SGCD: variants seen among roughly 807,000 people sequenced by gnomAD.
The protein encoded by SGCD is delta-sarcoglycan.
A neutral mutation model predicts 36.6 loss-of-function variants in SGCD; 18 were observed. That is an observed-to-expected ratio of 0.49 (90% confidence interval 0.34 to 0.73). SGCD has a LOEUF of 0.73. Among genes scored for constraint, SGCD ranks in the 30% least tolerant of loss-of-function variants. The pLI, the probability that SGCD is intolerant of heterozygous loss-of-function variation, is 0.01. For synonymous variants in SGCD, 133 were observed against 130.6 expected, an observed-to-expected ratio of 1.02 and a Z score of -0.12; for missense variants, 387 against 346.7, an observed-to-expected ratio of 1.12 and a Z score of -0.92.
At chr5:155,840,370 A>G in the SGCD span, among the ~76,000 whole-genome samples, 6 of 147,948 alleles carry the variant, frequency 4.1e-5, no homozygotes, top group Admixed American at 6.7e-5. Context: ...CAGCCTCCCG[A>G]GTAGCTGGGA....
At chr5:155,839,708 T>G in the SGCD span, among the ~76,000 whole-genome samples, 1 of 152,190 alleles carries the variant, frequency 6.6e-6, no homozygotes, top group Non-Finnish European at 1.5e-5. Flanking sequence ...ATGAAGTGAC[T>G]AAGGCTAAAG....
chr5:156,708,115 G>A (rs778101185), intron 7 of SGCD, among the ~76,000 whole-genome samples: 4 of 152,056 alleles, frequency 2.6e-5, no homozygotes, highest in Non-Finnish European at 5.9e-5. Flanking sequence ...GGATAAGAAC[G>A]GACTTTGAAA....
At chr5:156,526,172 G>A (rs751911453) in intron 4 of SGCD, among the ~76,000 whole-genome samples, 17 of 151,888 alleles carry the variant, frequency 1.1e-4, no homozygotes, top group Admixed American at 5.3e-4. Context: ...CTTTTTGTTC[G>A]TCTAAGCACT....
intron 3 of SGCD, among the ~76,000 whole-genome samples, chr5:156,460,878 G>A (rs1379855863): frequency 1.3e-5 from 2 of 152,162 alleles, no homozygotes; most frequent in African/African-American, 4.8e-5. Flanking sequence ...CCTTGAACAG[G>A]TGGCTATGCC....
chr5:156,612,375 G>C (rs1761855670), intron 6 of SGCD, among the ~76,000 whole-genome samples: 1 of 152,250 alleles, frequency 6.6e-6, no homozygotes, highest in South Asian at 2.1e-4. Flanking sequence ...CAGTGACCTA[G>C]GCTACATGAG....
At chr5:155,781,323 C>G in the SGCD span, among the ~76,000 whole-genome samples, 1 of 152,182 alleles carries the variant, frequency 6.6e-6, no homozygotes, top group Admixed American at 6.5e-5. Flanking sequence ...CTCACAAACC[C>G]TTGCACGGAA....
chr5:156,281,846 C>T (rs912237281), intron 3 of SGCD, among the ~76,000 whole-genome samples: 2 of 151,992 alleles, frequency 1.3e-5, no homozygotes, highest in Non-Finnish European at 2.9e-5. Flanking sequence ...GCTTGATTTC[C>T]TCATTACACC....
At chr5:156,289,878 C>T (rs1004961099) in intron 3 of SGCD, among the ~76,000 whole-genome samples, 4 of 151,974 alleles carry the variant, frequency 2.6e-5, no homozygotes, top group African/African-American at 9.7e-5. Flanking sequence ...GTATGAATGT[C>T]TAGTCTCTAG....
At chr5:156,155,559 A>G (rs1006451556) in intron 3 of SGCD, among the ~76,000 whole-genome samples, 10 of 151,068 alleles carry the variant, frequency 6.6e-5, no homozygotes, top group Non-Finnish European at 1.3e-4. Context: ...TGGGAAAGAA[A>G]CACCAACACC....
intron 3 of SGCD, among the ~76,000 whole-genome samples, chr5:156,215,088 A>G (rs2127642833): frequency 6.6e-6 from 1 of 152,202 alleles, no homozygotes; most frequent in South Asian, 2.1e-4. Flanking sequence ...GGAAATGCTC[A>G]TTGGAATATT....
intron 7 of SGCD, among the ~76,000 whole-genome samples, chr5:156,670,747 A>G (rs566277262): frequency 1.3e-5 from 2 of 152,326 alleles, no homozygotes; most frequent in Admixed American, 1.3e-4. Flanking sequence ...GAATGAGAGT[A>G]AGACGATCAG....
intron 4 of SGCD, among the ~76,000 whole-genome samples, chr5:156,548,016 A>G (rs1472943381): frequency 3.3e-5 from 5 of 152,200 alleles, no homozygotes; most frequent in African/African-American, 9.7e-5. Flanking sequence ...CACCCATAGC[A>G]TTGGGCTGGT....
chr5:156,762,134 T>A lies in SGCD; in HGVS notation c.*2744T>A, dbSNP rs915818553. ...CGGCGGGGAGCTTTTACATTAAAAA[T>A]CTACTAACGCCTACTTTTTAAAAAA... is the stretch of plus-strand genomic sequence containing the variant. On this transcript the variant is annotated 3_prime_UTR_variant, in exon 9 of 9. Transcript: ENST00000337851. 1 of 152,588 alleles carries A rather than the reference T, an allele frequency of 6.6e-6. No homozygotes were observed. The highest frequency in any genetic ancestry group is 1.5e-5 in the Non-Finnish European group (1 of 68,024). The allele number at this position is 152,588 out of a possible 1,614,324, so 9.5% of individuals were successfully genotyped here.
intron 3 of SGCD, among the ~76,000 whole-genome samples, chr5:156,404,021 G>C (rs1279324274): frequency 6.6e-6 from 1 of 151,948 alleles, no homozygotes; most frequent in Non-Finnish European, 1.5e-5. Flanking sequence ...TTTTAGTAGA[G>C]ACAAGGTTTC....
intron 1 of SGCD, among the ~76,000 whole-genome samples, chr5:155,910,842 G>A (rs1408790592): frequency 6.6e-6 from 1 of 152,094 alleles, no homozygotes; most frequent in East Asian, 1.9e-4. Flanking sequence ...TGATTCATTT[G>A]CACTCTGTTT....
At chr5:156,593,932 T>A (rs905033386) in intron 5 of SGCD, among the ~76,000 whole-genome samples, 4 of 152,178 alleles carry the variant, frequency 2.6e-5, no homozygotes, top group Non-Finnish European at 4.4e-5. Flanking sequence ...CCCTCAAATT[T>A]TTTTCTGTAG....
intron 3 of SGCD, among the ~76,000 whole-genome samples, chr5:156,321,294 C>T (rs777213664): frequency 1.3e-5 from 2 of 152,018 alleles, no homozygotes; most frequent in South Asian, 4.2e-4. Context: ...GTGGTGGGCG[C>T]CTGTAGTCCC....
At chr5:155,808,674 T>C in the SGCD span, among the ~76,000 whole-genome samples, 1 of 152,242 alleles carries the variant, frequency 6.6e-6, no homozygotes, top group East Asian at 1.9e-4. Flanking sequence ...CTTTAGGGAT[T>C]ATCTAGCCAA....
Position 156,373,097 on chromosome 5 carries a change from A to G in SGCD, c.192+28420A>G, listed in dbSNP as rs77027810. Among the ~76,000 whole-genome samples, 449 of 152,284 alleles carry G rather than the reference A, an allele frequency of 2.9e-3. 6 individuals are homozygous for G. The East Asian group carries it at 0.062, about 21-fold the overall frequency. ...TTTGGTGTTTAAATATGCCATTAAG[A>G]GTTGCTCATAATTTAGCTGTCCAGA... On this transcript the variant is annotated intron_variant, in intron 3 of 8. Transcript: ENST00000337851.
Sources: gnomAD v4.1 joint callset for allele counts (sites outside exome capture counted in the v4.1 genomes callset) on GRCh38, gnomAD v4.1.1 for gene constraint, MANE v1.5 for transcripts, NCBI Gene and HGNC (gene_info 2026-07-23, HGNC 2026-07-21) for gene names.